Variants in MORC1 observed in about 807,000 individuals in gnomAD.
MORC1 encodes MORC family CW-type zinc finger 1, also known as MORC family CW-type zinc finger protein 1.
MORC1 carries 59 observed loss-of-function variants against 134.9 expected under a neutral mutation model. The ratio of observed to expected loss-of-function variants is 0.44; its 90% confidence interval spans 0.35 to 0.54. MORC1 has a LOEUF of 0.54. Among genes scored for constraint, MORC1 ranks in the 20% least tolerant of loss-of-function variants. MORC1 has a pLI of 0.00. For missense variants in MORC1, 947 were observed against 1,134.5 expected (o/e 0.83, Z 2.37); for synonymous variants, 395 against 391.7 (o/e 1.01, Z -0.10).
chr3:109,092,241 GA>G (rs71129021), intron 8 of MORC1, among the ~76,000 whole-genome samples: 7 of 151,712 alleles, frequency 4.6e-5, no homozygotes, highest in African/African-American at 1.4e-4. Context: ...TTTTCCAAAA[GA>G]AAAAAAATCC....
In MORC1 at chr3:109,003,104, T is replaced by C. The variant is rs527828037; in HGVS notation, c.2085+1713A>G. 9.2e-5 allele frequency among the ~76,000 whole-genome samples: 14 copies of C among 152,234 alleles called. No homozygotes were observed. The East Asian group carries it at 2.5e-3, about 27-fold the overall frequency. On this transcript the variant is annotated intron_variant, in intron 20 of 27. Coordinates refer to ENST00000232603, the MANE Select transcript of MORC1 (RefSeq NM_014429.4). ...TATAAACAGTCATGCTACTGTGTCA[T>C]AAAAACTGCCATAGTAGCAGTTGAC...
At chr3:108,996,286 G>GCGCACACACA in intron 21 of MORC1, among the ~76,000 whole-genome samples, 1 of 146,380 alleles carries the variant, frequency 6.8e-6, no homozygotes, top group African/African-American at 2.6e-5. Flanking sequence ...GCGCGCGCGC[G>GCGCACACACA]CACACACACA....
At position 108,979,425 on chromosome 3, in the gene MORC1, C is replaced by G. The variant is rs1216704570; in HGVS notation, c.2477+90G>C. 6 of 1,354,444 alleles carry G rather than the reference C, an allele frequency of 4.4e-6. No individual in the cohort carries two copies. The African/African-American group carries it at 7.2e-5, about 16-fold the overall frequency. The allele number at this position is 1,354,444 out of a possible 1,614,324, so 83.9% of individuals were successfully genotyped here. A position where few individuals can be genotyped will look rare whatever the true frequency, so the allele number is the denominator to read the frequency against. ...TCACTCTACTGAATTTATTCAGTATCATTAAAACTCAGTAGGGAAAACAAC... is the reference window on the plus strand; with the variant it reads ...TCACTCTACTGAATTTATTCAGTATGATTAAAACTCAGTAGGGAAAACAAC... On this transcript the variant is annotated intron_variant, in intron 24 of 27. Coordinates refer to ENST00000232603, the MANE Select transcript of MORC1 (RefSeq NM_014429.4).
intron 15 of MORC1, among the ~76,000 whole-genome samples, 195 bp from the exon 16 acceptor site, chr3:109,033,020 GTTA>G (rs34222099): frequency 0.42 from 63,050 of 151,314 alleles, 13,720 homozygotes; most frequent in Middle Eastern, 0.55. Context: ...CCACCAACAA[GTTA>G]TTATTATTAT....
At chr3:108,981,655 G>A (rs935691728) in intron 23 of MORC1, among the ~76,000 whole-genome samples, 5 of 152,162 alleles carry the variant, frequency 3.3e-5, no homozygotes, top group African/African-American at 1.2e-4. Context: ...ACCTTATAGA[G>A]TTGTACTGAG....
chr3:109,043,254 G>A (rs964678040), intron 14 of MORC1, among the ~76,000 whole-genome samples: 1 of 150,834 alleles, frequency 6.6e-6, no homozygotes, highest in African/African-American at 2.4e-5. Context: ...TTTGACATAT[G>A]CTATAACATG....
At chr3:108,984,934 TA>T in intron 22 of MORC1, 152 bp from the exon 23 acceptor site, 1 of 596,072 alleles carries the variant, frequency 1.7e-6, no homozygotes, top group Non-Finnish European at 2.9e-6. Flanking sequence ...TAACGAGATC[TA>T]TAATATGTTC....
intron 10 of MORC1, 115 bp from the exon 11 acceptor site, chr3:109,062,173 G>T: frequency 1.1e-6 from 1 of 871,538 alleles, no homozygotes; most frequent in South Asian, 1.5e-5. Context: ...ACCATGATCT[G>T]AGAAAACCCT....
At chr3:109,113,937 A>G (rs1233197743) in intron 2 of MORC1, among the ~76,000 whole-genome samples, 2 of 152,206 alleles carry the variant, frequency 1.3e-5, no homozygotes, top group Non-Finnish European at 2.9e-5. Flanking sequence ...CAGAGTGTAG[A>G]TATAAGGATG....
intron 14 of MORC1, among the ~76,000 whole-genome samples, chr3:109,046,226 G>A (rs1036126484): frequency 4.6e-5 from 7 of 152,148 alleles, no homozygotes; most frequent in African/African-American, 1.7e-4. Flanking sequence ...TCCCAGTTGG[G>A]AACCACATGA....
At chr3:109,064,390 A>G (rs1364566771) in intron 9 of MORC1, among the ~76,000 whole-genome samples, 4 of 152,180 alleles carry the variant, frequency 2.6e-5, no homozygotes, top group Admixed American at 2.0e-4. Context: ...AAAAATATGA[A>G]GAAACACTAA....
At chr3:108,981,277 A>G (rs535758087) in intron 23 of MORC1, among the ~76,000 whole-genome samples, 1 of 152,320 alleles carries the variant, frequency 6.6e-6, no homozygotes, top group African/African-American at 2.4e-5. Flanking sequence ...TTACATGTTT[A>G]TAAGATGAGG....
intron 14 of MORC1, among the ~76,000 whole-genome samples, chr3:109,053,475 C>T (rs1949877866): frequency 6.6e-6 from 1 of 151,842 alleles, no homozygotes; most frequent in South Asian, 2.1e-4. Context: ...TCCTTTGCAG[C>T]AACATGGATG....
intron 8 of MORC1, among the ~76,000 whole-genome samples, chr3:109,091,271 C>T (rs549790170): frequency 2.0e-5 from 3 of 151,132 alleles, no homozygotes; most frequent in African/African-American, 4.9e-5. Context: ...GGTGAAACCC[C>T]GTCTCTACTA....
At chr3:109,108,941 T>C (rs1951098919) in intron 3 of MORC1, among the ~76,000 whole-genome samples, 1 of 151,196 alleles carries the variant, frequency 6.6e-6, no homozygotes, top group Non-Finnish European at 1.5e-5. Flanking sequence ...CTTAGAAAAC[T>C]GACACTGCTC....
rs1948512870 is a variant in MORC1, at chr3:109,005,312, T to A, written c.1771A>T (p.Asn591Tyr). 6.3e-7 allele frequency: 1 copy of A among 1,581,766 alleles called. No individual in the cohort carries two copies. The highest frequency in any genetic ancestry group is 8.5e-7 in the Non-Finnish European group (1 of 1,170,886). Residue 591 changes from asparagine (N) to tyrosine (Y), a missense_variant, in exon 19 of 28, where the codon AAT (asparagine) becomes TAT (tyrosine). By Grantham distance (143) the Asn-to-Tyr change is moderately radical. This residue lies in a region of MORC1 where 722 missense variants were observed against 817.0 expected (regional missense o/e 0.88). Coordinates refer to ENST00000232603, the MANE Select transcript of MORC1 (RefSeq NM_014429.4). ...STCLTSAHKE[N>Y]TKTQKIRLLG... is the part of the protein sequence containing the mutation. ...AGCCTGATTTTCTGGGTTTTGGTATTTTCCTTAAATAACAAAGAACATGTT... is the reference window on the plus strand; with the variant it reads ...AGCCTGATTTTCTGGGTTTTGGTATATTCCTTAAATAACAAAGAACATGTT...
intron 24 of MORC1, among the ~76,000 whole-genome samples, chr3:108,972,925 G>A (rs1480575322): frequency 6.6e-6 from 1 of 152,080 alleles, no homozygotes; most frequent in Non-Finnish European, 1.5e-5. Flanking sequence ...CTAGGGAAGG[G>A]GAAAAACCAA....
At chr3:109,076,920 T>C (rs1950434481) in intron 8 of MORC1, among the ~76,000 whole-genome samples, 1 of 148,798 alleles carries the variant, frequency 6.7e-6, no homozygotes, top group African/African-American at 2.5e-5. Flanking sequence ...GGCATGTGTA[T>C]ACCTATGTAA....
intron 6 of MORC1, among the ~76,000 whole-genome samples, chr3:109,097,574 A>G (rs561683669): frequency 6.6e-6 from 1 of 152,252 alleles, no homozygotes; most frequent in South Asian, 2.1e-4. Flanking sequence ...ATGGCAGCTG[A>G]ACACCACCAT....
Sources: gnomAD v4.1 joint callset for allele counts (sites outside exome capture counted in the v4.1 genomes callset) on GRCh38, gnomAD v4.1.1 for gene constraint, gnomAD v4.1.1 regional missense constraint, MANE v1.5 for transcripts, NCBI Gene and HGNC (gene_info 2026-07-23, HGNC 2026-07-21) for gene names.